The following NLGN4X variants were observed in gnomAD, a reference collection of about 807,000 sequenced individuals.
NLGN4X encodes neuroligin-4, X-linked.
NLGN4X carries 3 observed loss-of-function variants against 40.3 expected under a neutral mutation model. The ratio of observed to expected loss-of-function variants is 0.07; its 90% CI spans 0.03 to 0.19. NLGN4X has a LOEUF of 0.19. Ranked by LOEUF, NLGN4X falls within the 10% of genes least tolerant of loss-of-function variation. The pLI, the probability that NLGN4X is intolerant of heterozygous loss-of-function variation, is 1.00. For synonymous variants in NLGN4X, 270 were observed against 306.8 expected (o/e 0.88, Z 1.25); for missense variants, 382 against 708.3 (o/e 0.54, Z 5.23).
intron 1 of NLGN4X, among the ~76,000 whole-genome samples, chrX:6,160,569 C>T (rs2040364126): frequency 1.9e-5 from 2 of 106,905 alleles, no homozygotes; most frequent in South Asian, 8.1e-4. Context: ...TTCACTCTGT[C>T]ACCCAGGCTG....
chrX:5,896,192 CAG>C (rs891972267), intron 5 of NLGN4X, among the ~76,000 whole-genome samples: 4 of 111,535 alleles, frequency 3.6e-5, no homozygotes, highest in African/African-American at 9.8e-5. Context: ...CGAAGGAACT[CAG>C]GGTATATTTG....
chrX:6,202,567 A>G (rs1923718235), intron 1 of NLGN4X, among the ~76,000 whole-genome samples: 1 of 110,073 alleles, frequency 9.1e-6, no homozygotes, highest in South Asian at 3.9e-4. Context: ...CCAACTCCTG[A>G]GCTCAAGCAA....
intron 3 of NLGN4X, among the ~76,000 whole-genome samples, chrX:6,005,021 C>A (rs1046956497): frequency 2.7e-5 from 3 of 112,025 alleles, no homozygotes; most frequent in Non-Finnish European, 5.6e-5. Flanking sequence ...AGCAAGAAAA[C>A]AACACTTGGT....
intron 2 of NLGN4X, among the ~76,000 whole-genome samples, chrX:6,050,458 C>T (rs775741665): frequency 4.1e-4 from 46 of 111,159 alleles, no homozygotes; most frequent in Non-Finnish European, 7.0e-4. Flanking sequence ...ACCTATCTAT[C>T]CATCTCTATC....
chrX:5,906,785 A>G (rs761033601), intron 4 of NLGN4X, among the ~76,000 whole-genome samples: 117 of 111,854 alleles, frequency 1.0e-3, no homozygotes, highest in African/African-American at 3.3e-3. Context: ...AAGTGCTGGG[A>G]TAACAGCCAT....
At chrX:5,898,741 T>C (rs1413507429) in intron 5 of NLGN4X, among the ~76,000 whole-genome samples, 7 of 112,281 alleles carry the variant, frequency 6.2e-5, no homozygotes, top group Non-Finnish European at 1.3e-4. Context: ...AGTGATGGTA[T>C]GCAGAAATAT....
At chrX:5,939,224 G>C (rs767980020) in intron 3 of NLGN4X, among the ~76,000 whole-genome samples, 18 of 111,239 alleles carry the variant, frequency 1.6e-4, no homozygotes, top group Non-Finnish European at 3.0e-4. Flanking sequence ...GGAACAGTCT[G>C]ATAGGAAATT....
At chrX:5,978,106 T>C (rs1341483897) in intron 3 of NLGN4X, among the ~76,000 whole-genome samples, 1 of 111,847 alleles carries the variant, frequency 8.9e-6, no homozygotes, top group Non-Finnish European at 1.9e-5. Flanking sequence ...GGGTCCTCAA[T>C]AACTACATGC....
intron 2 of NLGN4X, among the ~76,000 whole-genome samples, chrX:6,050,538 A>C (rs1488935344): frequency 9.0e-6 from 1 of 111,069 alleles, no homozygotes; most frequent in African/African-American, 3.3e-5. Flanking sequence ...TCTATCATCT[A>C]TCCATGTATC....
At chrX:6,085,532 T>C (rs1336444949) in intron 2 of NLGN4X, among the ~76,000 whole-genome samples, 1 of 112,050 alleles carries the variant, frequency 8.9e-6, no homozygotes, top group Non-Finnish European at 1.9e-5. Flanking sequence ...GATATAACAT[T>C]AATTCTTCAA....
At chrX:5,908,075 G>C (rs2032295897) in intron 4 of NLGN4X, among the ~76,000 whole-genome samples, 1 of 95,412 alleles carries the variant, frequency 1.0e-5, no homozygotes, top group Admixed American at 1.1e-4. Flanking sequence ...AGGAGAGACA[G>C]TGGAAGGAGG....
At chrX:6,176,001 G>C (rs776208976) in intron 1 of NLGN4X, among the ~76,000 whole-genome samples, 1 of 111,097 alleles carries the variant, frequency 9.0e-6, no homozygotes, top group East Asian at 2.8e-4. Flanking sequence ...AAAATTTTAG[G>C]GAGTAAAGAG....
chrX:5,974,327 G>A (rs1057038379), intron 3 of NLGN4X, among the ~76,000 whole-genome samples: 8 of 112,000 alleles, frequency 7.1e-5, no homozygotes, highest in African/African-American at 2.3e-4. Context: ...GTAAACTTGA[G>A]AAATAGCACA....
At chrX:6,149,885 C>T (rs1180117903) in intron 2 of NLGN4X, among the ~76,000 whole-genome samples, 1 of 108,765 alleles carries the variant, frequency 9.2e-6, no homozygotes, top group Non-Finnish European at 1.9e-5. Context: ...TTTTGGAGAT[C>T]AGTGGATTAA....
At chrX:6,201,728 G>A (rs1417748639) in intron 1 of NLGN4X, among the ~76,000 whole-genome samples, 1 of 111,210 alleles carries the variant, frequency 9.0e-6, no homozygotes, top group Non-Finnish European at 1.9e-5. Flanking sequence ...AGGGAGCAGG[G>A]TAAGCTTGGC....
At chrX:5,974,302 A>G (rs2035111875) in intron 3 of NLGN4X, among the ~76,000 whole-genome samples, 1 of 112,317 alleles carries the variant, frequency 8.9e-6, no homozygotes, top group Non-Finnish European at 1.9e-5. Context: ...AGATATTTGC[A>G]GCACATTTGT....
intron 2 of NLGN4X, among the ~76,000 whole-genome samples, chrX:6,046,897 C>T (rs770159158): frequency 9.3e-6 from 1 of 107,715 alleles, no homozygotes; most frequent in East Asian, 2.9e-4. Flanking sequence ...ATAGTATACA[C>T]AGAACCTAAT....
At chrX:6,191,417 T>C (rs1427378801) in intron 1 of NLGN4X, among the ~76,000 whole-genome samples, 1 of 111,798 alleles carries the variant, frequency 8.9e-6, no homozygotes, top group Admixed American at 9.5e-5. Context: ...GGGGGCTTGA[T>C]CCAAAGTGAA....
Position 6,151,533 on chromosome X carries a change from G to A in NLGN4X, c.-67C>T, listed in dbSNP as rs1016633235. On this transcript the variant is annotated 5_prime_UTR_variant, in exon 2 of 6. Transcript: ENST00000381095. ...TGGCTCCAAGGAGACAAAGCCCAGAGGCGAGCCTGCAGAGAGATAGGGCTT... is the reference window on the plus strand; with the variant it reads ...TGGCTCCAAGGAGACAAAGCCCAGAAGCGAGCCTGCAGAGAGATAGGGCTT... The A allele has an allele frequency of 4.1e-6, 4 of 977,314 alleles. No homozygotes were observed. Among genetic ancestry groups the A allele is most frequent in the Non-Finnish European group, 5.8e-6 (4 of 689,379 alleles). 80.5% of individuals were successfully genotyped at this position (977,314 alleles called of 1,213,427 possible).
Sources: allele counts gnomAD v4.1 joint callset (sites outside exome capture counted in the v4.1 genomes callset), GRCh38; gene constraint gnomAD v4.1.1; transcripts MANE v1.5; gene names NCBI Gene and HGNC (gene_info 2026-07-23, HGNC 2026-07-21).